The following KCNN1 variants were observed in gnomAD, a reference collection of about 807,000 sequenced individuals.
KCNN1 encodes potassium calcium-activated channel subfamily N member 1.
In KCNN1, 20 loss-of-function variants were observed where a neutral mutation model predicts 44.7. The ratio of observed to expected loss-of-function variants is 0.45; its 90% CI spans 0.32 to 0.65. The LOEUF (loss-of-function observed/expected upper bound fraction) is 0.65. KCNN1 is among the 30% of genes least tolerant of loss of function. KCNN1 has a pLI of 0.05. For synonymous variants in KCNN1, 324 were observed against 341.7 expected (o/e 0.95, Z 0.57); for missense variants, 632 against 785.3 (o/e 0.80, Z 2.33).
chr19:17,981,682 T>C, intron 3 of KCNN1, 27 bp from the exon 4 acceptor site: 1 of 1,548,650 alleles, frequency 6.5e-7, no homozygotes, highest in Non-Finnish European at 8.8e-7. Context: ...CTGACACCCA[T>C]GGCTGGTTCC....
Position 17,993,397 on chromosome 19 carries a change from G to T in KCNN1, c.1308-93G>T. On this transcript the variant is annotated intron_variant, in intron 8 of 9. Transcript: ENST00000684775. This position sits in a 1 kb window ranked among gnomAD's most constrained non-coding sequence, Gnocchi z 4.5. ...TCATCCTCTGATGCATGTCCCATAG[G>T]TGACCCCGGGTGGGTGCATGAAAGT... is the stretch of plus-strand genomic sequence containing the variant. 4.5e-6 allele frequency: 4 copies of T among 897,880 alleles called. No individual in the cohort carries two copies. In the Middle Eastern group the frequency reaches 8.0e-4, roughly 180 times the overall value. 55.6% of individuals were successfully genotyped at this position (897,880 alleles called of 1,614,324 possible).
At chr19:17,988,670 G>T in intron 6 of KCNN1, 145 bp downstream of exon 6, 1 of 684,324 alleles carries the variant, frequency 1.5e-6, no homozygotes, top group South Asian at 1.7e-5. Context: ...GCTGGCTTTG[G>T]GAGGCCAAGG....
intron 3 of KCNN1, among the ~76,000 whole-genome samples, chr19:17,981,278 A>C (rs2032394524): frequency 6.6e-6 from 1 of 151,962 alleles, no homozygotes; most frequent in Non-Finnish European, 1.5e-5. Context: ...GAGGCTGGGC[A>C]TGGTGGCTTA....
At position 17,998,362 on chromosome 19, in the gene KCNN1, T is replaced by C. The variant is rs1599386942; in HGVS notation, c.1588T>C (p.Ser530Pro). 5 of 1,481,246 alleles carry C rather than the reference T, an allele frequency of 3.4e-6. No individual in the cohort carries two copies. Among genetic ancestry groups the C allele is most frequent in the Non-Finnish European group, 3.6e-6 (4 of 1,118,128 alleles). 91.8% of individuals were successfully genotyped at this position (1,481,246 alleles called of 1,614,324 possible). The change falls in exon 10 of 10, where the codon TCC becomes CCC. Residue 530 changes from serine to proline, a missense_variant. By Grantham distance (74) the Ser-to-Pro change is moderately conservative. Coordinates refer to ENST00000684775, the MANE Select transcript of KCNN1 (RefSeq NM_001386974.1). This position sits in a 1 kb window ranked among gnomAD's most constrained non-coding sequence, Gnocchi z 5.4. ...PGPQDQAARSSPCRWTPVAPS... is the reference protein window; with the variant it reads ...PGPQDQAARSPPCRWTPVAPS... ...CCCCCAAGACCAGGCAGCCCGGAGC[T>C]CCCCCTGCCGGTGGACGCCCGTGGC...
At chr19:17,982,565 T>C (rs990083640) in intron 4 of KCNN1, 40 of 985,254 alleles carry the variant, frequency 4.1e-5, no homozygotes, top group Non-Finnish European at 4.7e-5. Flanking sequence ...CACTGGACTT[T>C]AGGGAAAACA....
chr19:17,985,162 G>A (rs2032553415), intron 4 of KCNN1, 150 bp from the exon 5 acceptor site: 4 of 619,678 alleles, frequency 6.5e-6, no homozygotes, highest in East Asian at 3.2e-5. Context: ...GGGGGAGAGG[G>A]TGCGCCTGTC....
At chr19:17,978,432 T>G (rs1052972624) in intron 3 of KCNN1, among the ~76,000 whole-genome samples, 5 of 149,824 alleles carry the variant, frequency 3.3e-5, no homozygotes, top group Non-Finnish European at 7.4e-5. Context: ...CTGTTTTTTT[T>G]TTTTTTTTTT....
chr19:17,989,939 GGGACGGGT>G (rs2032729532), intron 7 of KCNN1, 96 bp downstream of exon 7: 1 of 1,579,954 alleles, frequency 6.3e-7, no homozygotes, highest in African/African-American at 1.3e-5. Flanking sequence ...CTCCCTGCCA[GGGACGGGT>G]GGTCAGTTGG....
chr19:17,952,848 C>A (rs186657089), intron 1 of KCNN1, among the ~76,000 whole-genome samples: 1 of 152,166 alleles, frequency 6.6e-6, no homozygotes, highest in African/African-American at 2.4e-5. Context: ...CCCTTCCCCC[C>A]TCCCCTCTCC....
At chr19:17,985,671 C>T (rs1287260517) in intron 5 of KCNN1, among the ~76,000 whole-genome samples, 1 of 152,186 alleles carries the variant, frequency 6.6e-6, no homozygotes, top group Admixed American at 6.5e-5. Context: ...CATCTCCATG[C>T]GGTCCTTCCA....
At chr19:17,990,509 A>C (rs536369154) in intron 7 of KCNN1, among the ~76,000 whole-genome samples, 198 of 151,274 alleles carry the variant, frequency 1.3e-3, no homozygotes, top group Non-Finnish European at 2.3e-3. Context: ...GAAAAGAAAA[A>C]GAAAAAAAAG....
intron 6 of KCNN1, among the ~76,000 whole-genome samples, chr19:17,988,850 G>A (rs923857685): frequency 4.6e-5 from 7 of 151,660 alleles, no homozygotes; most frequent in African/African-American, 1.7e-4. Flanking sequence ...AGCAGAGGCT[G>A]CAATAAGCCA....
At chr19:17,959,341 C>T (rs2145902493) in intron 2 of KCNN1, among the ~76,000 whole-genome samples, 1 of 152,140 alleles carries the variant, frequency 6.6e-6, no homozygotes, top group South Asian at 2.1e-4. Context: ...TCACTGCAAC[C>T]TCCGCCTCCT....
intron 3 of KCNN1, among the ~76,000 whole-genome samples, chr19:17,975,631 G>A (rs142017284): frequency 7.4e-4 from 112 of 152,146 alleles, no homozygotes; most frequent in African/African-American, 2.4e-3. Context: ...ATGTTGGCCA[G>A]GCTGGTCTCG....
rs35265456 is a variant in KCNN1, at chr19:17,979,432, CAAAAAA to C, written c.499-2260_499-2255del. Among the ~76,000 whole-genome samples, 8 of 48,790 alleles carry C rather than the reference CAAAAAA, an allele frequency of 1.6e-4. No individual in the cohort carries two copies. The South Asian group carries it at 3.1e-3, about 19-fold the overall frequency. The allele number at this position is 48,790 out of a possible 152,430, so 32.0% of individuals were successfully genotyped here. ...TGGGCAATGGAGCGAGACTCCGTCTCAAAAAAAAAAAAAAAAAAAAAAGGAAGGAGT... is the reference window on the plus strand; with the variant it reads ...TGGGCAATGGAGCGAGACTCCGTCTCAAAAAAAAAAAAAAAAGGAAGGAGT... On this transcript the variant is annotated intron_variant, in intron 3 of 9. Transcript: ENST00000684775.
chr19:17,967,212 C>T lies in KCNN1; in HGVS notation c.-187C>T, dbSNP rs984601728. 13 of 964,226 alleles carry T rather than the reference C, an allele frequency of 1.3e-5. No individual in the cohort carries two copies. Among genetic ancestry groups the T allele is most frequent in the Middle Eastern group, 5.3e-4 (1 of 1,896 alleles). The allele number at this position is 964,226 out of a possible 1,614,324, so 59.7% of individuals were successfully genotyped here. A position where few individuals can be genotyped will look rare whatever the true frequency, so the allele number is the denominator to read the frequency against. On this transcript the variant is annotated 5_prime_UTR_variant, in exon 1 of 10. Transcript: ENST00000684775. Reference sequence around the variant, plus strand: ...CGGGCCCCGCGCCCGCTCGCTGCTGCCCGCCCCGTCCGCGACCCCGGCTCC... The same window carrying T: ...CGGGCCCCGCGCCCGCTCGCTGCTGTCCGCCCCGTCCGCGACCCCGGCTCC...
chr19:17,962,836 A>T (rs959571617), upstream of KCNN1, among the ~76,000 whole-genome samples: 1 of 150,698 alleles, frequency 6.6e-6, no homozygotes, highest in Non-Finnish European at 1.5e-5. Flanking sequence ...CCTCCCGAGT[A>T]GGTGGGATTA....
upstream of KCNN1, among the ~76,000 whole-genome samples, chr19:17,963,771 G>A: frequency 6.6e-6 from 1 of 150,582 alleles, no homozygotes; most frequent in Non-Finnish European, 1.5e-5. Context: ...TGTTGCCCAG[G>A]CTGGAGGGCA....
At chr19:17,989,358 T>A (rs1405464928) in intron 6 of KCNN1, among the ~76,000 whole-genome samples, 3 of 151,586 alleles carry the variant, frequency 2.0e-5, no homozygotes, top group African/African-American at 7.3e-5. Flanking sequence ...CTAGGGAGAG[T>A]GAGGCAGAAG....
Sources: gnomAD v4.1 joint callset for allele counts (sites outside exome capture counted in the v4.1 genomes callset) on GRCh38, gnomAD v4.1.1 for gene constraint, Gnocchi (gnomAD v3.1) non-coding constraint, MANE v1.5 for transcripts, NCBI Gene and HGNC (gene_info 2026-07-23, HGNC 2026-07-21) for gene names.